EFNA5: variants seen among roughly 807,000 people sequenced by gnomAD.
The protein encoded by EFNA5 is ephrin-A5.
EFNA5 carries 5 observed loss-of-function variants against 22.9 expected under a neutral mutation model. That is an observed-to-expected ratio of 0.22 (90% CI 0.11 to 0.46). The LOEUF (loss-of-function observed/expected upper bound fraction) is 0.46, where lower values mean the gene tolerates loss of function less well. Among genes scored for constraint, EFNA5 ranks in the 20% least tolerant of loss-of-function variants. EFNA5 has a pLI of 0.99. For missense variants in EFNA5, 237 were observed against 293.3 expected (o/e 0.81, Z 1.40); for synonymous variants, 113 against 112.2 (o/e 1.01, Z -0.04).
At chr5:107,497,689 G>A (rs1233050401) in intron 1 of EFNA5, among the ~76,000 whole-genome samples, 4 of 152,060 alleles carry the variant, frequency 2.6e-5, no homozygotes, top group Admixed American at 2.0e-4. Context: ...TACATAACAC[G>A]CAGGGCACAG....
chr5:107,663,918 T>TC (rs1309046811), intron 1 of EFNA5, among the ~76,000 whole-genome samples: 2 of 152,178 alleles, frequency 1.3e-5, no homozygotes, highest in Non-Finnish European at 2.9e-5. Flanking sequence ...GAAGGATGTT[T>TC]CTAAAGATGA....
At chr5:107,434,502 A>G (rs901821534) in intron 1 of EFNA5, among the ~76,000 whole-genome samples, 3 of 152,210 alleles carry the variant, frequency 2.0e-5, no homozygotes, top group Non-Finnish European at 4.4e-5. Flanking sequence ...TCATTTGCTA[A>G]AGCCAAAATG....
At chr5:107,599,648 A>C (rs1749548006) in intron 1 of EFNA5, among the ~76,000 whole-genome samples, 1 of 152,256 alleles carries the variant, frequency 6.6e-6, no homozygotes, top group South Asian at 2.1e-4. Flanking sequence ...AACATGTAGT[A>C]ATCATAAATA....
chr5:107,670,033 A>T (rs1353980043), intron 1 of EFNA5, among the ~76,000 whole-genome samples: 13 of 10,502 alleles, frequency 1.2e-3, no homozygotes, highest in African/African-American at 6.1e-3. Flanking sequence ...TTAAAATTAA[A>T]AAAAAAAAAA....
chr5:107,478,664 A>G (rs1187172058), intron 1 of EFNA5, among the ~76,000 whole-genome samples: 1 of 152,232 alleles, frequency 6.6e-6, no homozygotes, highest in Non-Finnish European at 1.5e-5. Context: ...TAGCAGGGGC[A>G]AAGGAAGAAA....
At chr5:107,578,003 A>T (rs1301614967) in intron 1 of EFNA5, among the ~76,000 whole-genome samples, 2 of 152,166 alleles carry the variant, frequency 1.3e-5, no homozygotes, top group Non-Finnish European at 2.9e-5. Context: ...ATAAGATTAT[A>T]AAAGATTTCT....
chr5:107,563,913 C>G (rs1748605707), intron 1 of EFNA5, among the ~76,000 whole-genome samples: 1 of 152,220 alleles, frequency 6.6e-6, no homozygotes, highest in Admixed American at 6.5e-5. Context: ...CGCAAGTCAT[C>G]AGAACCCTCC....
chr5:107,580,090 T>A (rs1487199605), intron 1 of EFNA5, among the ~76,000 whole-genome samples: 2 of 152,192 alleles, frequency 1.3e-5, no homozygotes, highest in Admixed American at 1.3e-4. Flanking sequence ...AATCACACTT[T>A]TAAGGGTGCT....
At chr5:107,612,784 G>T (rs186699040) in intron 1 of EFNA5, among the ~76,000 whole-genome samples, 2 of 151,914 alleles carry the variant, frequency 1.3e-5, no homozygotes. Context: ...TTAATGAACT[G>T]CTGAGAATGG....
chr5:107,645,127 C>T (rs1169928701), intron 1 of EFNA5, among the ~76,000 whole-genome samples: 1 of 152,192 alleles, frequency 6.6e-6, no homozygotes, highest in East Asian at 1.9e-4. Flanking sequence ...GCCCCACATG[C>T]ATTAGTTATT....
intron 1 of EFNA5, among the ~76,000 whole-genome samples, chr5:107,496,539 A>ATATGTTTGG (rs1561412727): frequency 6.6e-6 from 1 of 151,952 alleles, no homozygotes. Context: ...AACGCTACCT[A>ATATGTTTGG]CATGTTTGGT....
chr5:107,455,340 C>T (rs1362386333), intron 1 of EFNA5, among the ~76,000 whole-genome samples: 1 of 152,136 alleles, frequency 6.6e-6, no homozygotes, highest in Non-Finnish European at 1.5e-5. Flanking sequence ...CCTCTTCACT[C>T]GGATCATGAA....
chr5:107,540,627 A>AGATC (rs1371256133), intron 1 of EFNA5, among the ~76,000 whole-genome samples: 2 of 152,238 alleles, frequency 1.3e-5, no homozygotes, highest in Non-Finnish European at 2.9e-5. Flanking sequence ...GCTAATGAAA[A>AGATC]GATCACTCAA....
chr5:107,527,322 T>A (rs888815459), intron 1 of EFNA5, among the ~76,000 whole-genome samples: 1 of 150,904 alleles, frequency 6.6e-6, no homozygotes, highest in Non-Finnish European at 1.5e-5. Context: ...TCTCGGGCAC[T>A]GTTGCCCGAG....
intron 1 of EFNA5, among the ~76,000 whole-genome samples, chr5:107,516,211 T>TGTGTGTGTGTGTGTGTGTGTG (rs10674517): frequency 6.6e-6 from 1 of 150,686 alleles, no homozygotes. Context: ...TGTGTGTGTG[T>TGTGTGTGTGTGTGTGTGTGTG]TAATTTTTGG....
intron 1 of EFNA5, among the ~76,000 whole-genome samples, chr5:107,664,745 G>A (rs1436951489): frequency 6.6e-6 from 1 of 152,116 alleles, no homozygotes; most frequent in Non-Finnish European, 1.5e-5. Flanking sequence ...AAGAGGCAAG[G>A]ACCTTCCTCA....
intron 1 of EFNA5, among the ~76,000 whole-genome samples, chr5:107,580,736 AAAAAG>A (rs1228233421): frequency 2.2e-4 from 33 of 147,564 alleles, no homozygotes; most frequent in South Asian, 6.3e-4. Context: ...AAAAAAAAAA[AAAAAG>A]AAAAGAAAAG....
intron 1 of EFNA5, among the ~76,000 whole-genome samples, chr5:107,552,843 C>G (rs927910079): frequency 6.6e-6 from 1 of 152,156 alleles, no homozygotes; most frequent in Non-Finnish European, 1.5e-5. Flanking sequence ...TGTAATAGAA[C>G]AGGATTTCTG....
chr5:107,404,652 T>C (rs1358487976), intron 2 of EFNA5, among the ~76,000 whole-genome samples: 1 of 152,168 alleles, frequency 6.6e-6, no homozygotes, highest in Non-Finnish European at 1.5e-5. Context: ...ATAGCTAGTG[T>C]AGGGTGGAAC....
Sources: gnomAD v4.1 joint callset for allele counts (sites outside exome capture counted in the v4.1 genomes callset) on GRCh38, gnomAD v4.1.1 for gene constraint, MANE v1.5 for transcripts, NCBI Gene and HGNC (gene_info 2026-07-23, HGNC 2026-07-21) for gene names.